Variants in MIR2052HG observed in about 807,000 individuals in gnomAD.
MIR2052HG encodes the protein MIR2052 host gene.
intron 2 of MIR2052HG, among the ~76,000 whole-genome samples, chr8:74,622,338 T>A (rs2128732839): frequency 6.6e-6 from 1 of 152,302 alleles, no homozygotes; most frequent in East Asian, 1.9e-4. Flanking sequence ...GTGTGGTGGC[T>A]CATGCCTGTA....
intron 1 of MIR2052HG, among the ~76,000 whole-genome samples, chr8:74,602,276 C>T (rs1015172174): frequency 6.6e-6 from 1 of 152,150 alleles, no homozygotes; most frequent in African/African-American, 2.4e-5. Flanking sequence ...CATTAGCATG[C>T]TAAAAGATAC....
At chr8:74,702,338 A>G (rs1389332632) in intron 2 of MIR2052HG, 1 of 420,942 alleles carries the variant, frequency 2.4e-6, no homozygotes, top group Non-Finnish European at 4.8e-6. Context: ...AATGACCTTG[A>G]TGTACTTTGT....
intron 2 of MIR2052HG, among the ~76,000 whole-genome samples, chr8:74,676,420 A>G (rs1809053047): frequency 6.6e-6 from 1 of 152,012 alleles, no homozygotes; most frequent in Non-Finnish European, 1.5e-5. Flanking sequence ...AAATTGCAAT[A>G]TTAATAAAAC....
intron 5 of MIR2052HG, among the ~76,000 whole-genome samples, chr8:74,754,649 A>G (rs1471045019): frequency 2.6e-5 from 4 of 152,182 alleles, no homozygotes; most frequent in Non-Finnish European, 1.5e-5. Context: ...GCCCCAGACT[A>G]CAGCTAGTGA....
At chr8:74,715,912 A>C (rs995936872) in intron 4 of MIR2052HG, among the ~76,000 whole-genome samples, 5 of 152,224 alleles carry the variant, frequency 3.3e-5, no homozygotes, top group Admixed American at 3.3e-4. Flanking sequence ...TAGAAAATGT[A>C]TGCAAAATTA....
intron 4 of MIR2052HG, among the ~76,000 whole-genome samples, chr8:74,742,618 A>T (rs1044131592): frequency 3.3e-5 from 5 of 151,580 alleles, no homozygotes; most frequent in African/African-American, 9.7e-5. Flanking sequence ...ATTGCTGGGA[A>T]CTCCTTTTCT....
At chr8:74,604,678 C>CCGTCT (rs1385430071) in intron 1 of MIR2052HG, among the ~76,000 whole-genome samples, 1 of 138,184 alleles carries the variant, frequency 7.2e-6, no homozygotes, top group East Asian at 2.3e-4. Flanking sequence ...ACTGCAACTT[C>CCGTCT]CGTCTCCCAG....
intron 4 of MIR2052HG, among the ~76,000 whole-genome samples, chr8:74,718,931 G>A (rs1346303771): frequency 6.6e-6 from 1 of 152,106 alleles, no homozygotes; most frequent in Non-Finnish European, 1.5e-5. Context: ...ATTTTGGAGG[G>A]ACACAACCAG....
At chr8:74,755,442 T>C (rs1809989528) in intron 5 of MIR2052HG, among the ~76,000 whole-genome samples, 1 of 152,194 alleles carries the variant, frequency 6.6e-6, no homozygotes, top group African/African-American at 2.4e-5. Flanking sequence ...GTAGTTAACA[T>C]TGGTTCTGGG....
chr8:74,738,658 AAC>A (rs2128755531), intron 4 of MIR2052HG, among the ~76,000 whole-genome samples: 1 of 152,328 alleles, frequency 6.6e-6, no homozygotes, highest in Admixed American at 6.5e-5. Flanking sequence ...AAATCACATT[AAC>A]AGTTTTTTTC....
intron 2 of MIR2052HG, among the ~76,000 whole-genome samples, chr8:74,624,809 A>G (rs1280161051): frequency 2.0e-5 from 3 of 152,176 alleles, no homozygotes; most frequent in African/African-American, 7.2e-5. Context: ...TGCCTGTGGA[A>G]TTCTGTATAG....
chr8:74,644,563 T>C (rs181049484), intron 2 of MIR2052HG, among the ~76,000 whole-genome samples: 373 of 152,264 alleles, frequency 2.4e-3, no homozygotes, highest in Non-Finnish European at 4.4e-3. Context: ...AGTGAGTTTT[T>C]TTTTCCTTTT....
At chr8:74,710,090 A>G (rs1477443541) in intron 4 of MIR2052HG, among the ~76,000 whole-genome samples, 2 of 152,164 alleles carry the variant, frequency 1.3e-5, no homozygotes, top group African/African-American at 4.8e-5. Context: ...AAGTATGCCC[A>G]TCTAAGTAGC....
intron 4 of MIR2052HG, among the ~76,000 whole-genome samples, chr8:74,714,698 C>CTTT (rs10715580): frequency 2.1e-3 from 261 of 124,420 alleles, no homozygotes; most frequent in Non-Finnish European, 2.4e-3. Flanking sequence ...CTTTTTCCTT[C>CTTT]TTTTTTTTTT....
intron 2 of MIR2052HG, among the ~76,000 whole-genome samples, chr8:74,656,329 T>A (rs1366653243): frequency 6.6e-6 from 1 of 152,090 alleles, no homozygotes; most frequent in East Asian, 1.9e-4. Flanking sequence ...TTACATAGTT[T>A]GGCTGTGTCC....
intron 2 of MIR2052HG, among the ~76,000 whole-genome samples, chr8:74,651,498 T>C (rs937022062): frequency 2.0e-5 from 3 of 152,172 alleles, no homozygotes; most frequent in Admixed American, 6.6e-5. Flanking sequence ...TCTTGCTTTT[T>C]ATTAAAGAAT....
In MIR2052HG at chr8:74,656,176, G is replaced by A. The variant is rs1333064840; in HGVS notation, n.216+43236G>A. 3.3e-5 allele frequency among the ~76,000 whole-genome samples: 5 copies of A among 152,210 alleles called. No homozygotes were observed. In the East Asian group the frequency reaches 9.7e-4, roughly 29 times the overall value. On this transcript the variant is annotated intron_variant and non_coding_transcript_variant, in intron 2 of 6. Coordinates refer to ENST00000523442, the Ensembl canonical transcript of MIR2052HG. ...ATTTTACAGGCTCATAGGCAGAAGC[G>A]ACCTGCCTTGTCTCAGATGAGACTT... is the stretch of plus-strand genomic sequence containing the variant.
intron 4 of MIR2052HG, among the ~76,000 whole-genome samples, chr8:74,710,511 G>C (rs989085476): frequency 6.6e-6 from 1 of 152,104 alleles, no homozygotes; most frequent in Non-Finnish European, 1.5e-5. Context: ...TCTTAATTTA[G>C]AGATTTTTAA....
intron 4 of MIR2052HG, among the ~76,000 whole-genome samples, chr8:74,743,578 C>T (rs1432266559): frequency 1.3e-5 from 2 of 152,134 alleles, no homozygotes; most frequent in Admixed American, 1.3e-4. Context: ...CAATCCCAAA[C>T]AATTAAGCCA....
Sources: allele counts gnomAD v4.1 joint callset (sites outside exome capture counted in the v4.1 genomes callset), GRCh38; gene constraint gnomAD v4.1.1; transcripts MANE v1.5; gene names NCBI Gene and HGNC (gene_info 2026-07-23, HGNC 2026-07-21).